ZFAND4: variants seen among roughly 807,000 people sequenced by gnomAD.
ZFAND4 encodes the protein AN1-type zinc finger protein 4.
In ZFAND4, 43 loss-of-function variants were observed where a neutral mutation model predicts 64.4. The ratio of observed to expected loss-of-function variants is 0.67; its 90% CI spans 0.52 to 0.86. ZFAND4 has a LOEUF of 0.86. ZFAND4 is among the 40% of genes least tolerant of loss of function. The pLI is 0.00. For missense variants in ZFAND4, 929 were observed against 859.8 expected (o/e 1.08, Z -1.01); for synonymous variants, 296 against 305.7 (o/e 0.97, Z 0.33).
At position 45,671,943 on chromosome 10, in the gene ZFAND4, T is replaced by TAATTTCAGTAACTCAG. The variant is rs1459223310; in HGVS notation, c.-118+291_-118+306dup. 3.3e-5 allele frequency among the ~76,000 whole-genome samples: 5 copies of TAATTTCAGTAACTCAG among 152,264 alleles called. No individual in the cohort carries two copies. In the East Asian group the frequency reaches 9.7e-4, roughly 29 times the overall value. ...TAAACAGGCAATAGCGCTGAATACG[T>TAATTTCAGTAACTCAG]AATTTCAGTAACTCAGAATTTTCTC... On this transcript the variant is annotated intron_variant, in intron 1 of 9. Coordinates refer to ENST00000344646, the MANE Select transcript of ZFAND4 (RefSeq NM_174890.4).
At chr10:45,669,291 T>C (rs2049028852) in intron 1 of ZFAND4, among the ~76,000 whole-genome samples, 1 of 152,148 alleles carries the variant, frequency 6.6e-6, no homozygotes, top group Non-Finnish European at 1.5e-5. Flanking sequence ...AAGAAATTGA[T>C]AAATTCCTGG....
chr10:45,618,296 A>G, intron 8 of ZFAND4, 36 bp from the exon 9 acceptor site: 1 of 1,603,850 alleles, frequency 6.2e-7, no homozygotes, highest in South Asian at 1.1e-5. Flanking sequence ...TAACACAGGC[A>G]TAAAATCCTA....
intron 6 of ZFAND4, among the ~76,000 whole-genome samples, chr10:45,639,333 A>G (rs908135997): frequency 1.3e-5 from 2 of 152,154 alleles, no homozygotes; most frequent in African/African-American, 2.4e-5. Context: ...TAAAACCACA[A>G]TGTGATGCCA....
intron 1 of ZFAND4, among the ~76,000 whole-genome samples, chr10:45,665,693 G>C (rs2048780673): frequency 6.6e-6 from 1 of 151,994 alleles, no homozygotes; most frequent in Admixed American, 6.5e-5. Context: ...CCTCTAAAAG[G>C]AACCCCATAC....
rs781496259 is a variant in ZFAND4, at chr10:45,621,736, C to T, written c.1927+2847G>A. Among the ~76,000 whole-genome samples the T allele has an allele frequency of 2.7e-4, 41 of 151,854 alleles. No individual in the cohort carries two copies. The Middle Eastern group carries it at 0.014, about 50-fold the overall frequency. On this transcript the variant is annotated intron_variant, in intron 8 of 9. Transcript: ENST00000344646. ...CAGCCTGGGAGACAGAGTGAGACTC[C>T]ACCTCACAAAAAACAAACAAACAAA...
rs1015612759 is a variant in ZFAND4 at position 45,640,351 on chromosome 10, T to G, written c.570-388A>C. ...AGACAACAGGCTGATGAGATTTCCA[T>G]GAATCAGAATTTTTTTAAATTTGGC... On this transcript the variant is annotated intron_variant, in intron 5 of 9. Transcript: ENST00000344646. The G allele has an allele frequency of 3.1e-6, 4 of 1,272,880 alleles. No individual in the cohort carries two copies. The African/African-American group carries it at 6.3e-5, about 20-fold the overall frequency. The allele number at this position is 1,272,880 out of a possible 1,614,324, so 78.8% of individuals were successfully genotyped here.
Position 45,663,621 on chromosome 10 carries a change from T to C in ZFAND4, c.105A>G (p.Leu35=). ...CDTMELFIET[L]TGTCFELRVS... ...CTCTCAGCTCAAAACATGTTCCAGT[T>C]AATGTTTCAATGAAGAGCTCCATGG... is the stretch of plus-strand genomic sequence containing the variant. The change falls in exon 2 of 10, where the codon TTA becomes TTG. Residue 35 remains leucine (L), a synonymous_variant. Coordinates refer to ENST00000344646, the MANE Select transcript of ZFAND4 (RefSeq NM_174890.4). 2 of 1,611,382 alleles carry C rather than the reference T, an allele frequency of 1.2e-6. No individual in the cohort carries two copies. Among genetic ancestry groups the C allele is most frequent in the Non-Finnish European group, 1.7e-6 (2 of 1,179,220 alleles).
intron 2 of ZFAND4, among the ~76,000 whole-genome samples, chr10:45,654,617 CAA>C (rs879929113): frequency 6.6e-5 from 8 of 120,962 alleles, no homozygotes; most frequent in Admixed American, 1.7e-4. Flanking sequence ...GACTCCATCT[CAA>C]AAAAAAAAAA....
At chr10:45,642,373 C>T (rs911817125) in intron 5 of ZFAND4, among the ~76,000 whole-genome samples, 2 of 151,800 alleles carry the variant, frequency 1.3e-5, no homozygotes, top group Non-Finnish European at 2.9e-5. Context: ...TTTGGGAGGC[C>T]GAGGCGGGTG....
At chr10:45,659,494 T>C (rs962488371) in intron 2 of ZFAND4, among the ~76,000 whole-genome samples, 1 of 152,184 alleles carries the variant, frequency 6.6e-6, no homozygotes, top group African/African-American at 2.4e-5. Flanking sequence ...TTCTAGCAAG[T>C]TGAAGATAAA....
chr10:45,643,116 C>A (rs1388523043), intron 5 of ZFAND4, among the ~76,000 whole-genome samples: 2 of 150,356 alleles, frequency 1.3e-5, no homozygotes, highest in African/African-American at 4.9e-5. Context: ...GATGCGGTTT[C>A]TCCATGTTGG....
intron 1 of ZFAND4, 145 bp from the exon 2 acceptor site, chr10:45,663,987 T>C (rs1268805548): frequency 2.1e-5 from 7 of 334,890 alleles, no homozygotes; most frequent in Non-Finnish European, 3.2e-5. Flanking sequence ...ATCCTGAACT[T>C]TTCACATTTG....
Position 45,663,367 on chromosome 10 carries a change from A to G in ZFAND4, c.184+175T>C, listed in dbSNP as rs572744612. ...ATCTGGTGAACACAGCAATGGGGAT[A>G]AAATAGTTCATAAGCTGATAAATGT... On this transcript the variant is annotated intron_variant, in intron 2 of 9. Coordinates refer to ENST00000344646, the MANE Select transcript of ZFAND4 (RefSeq NM_174890.4). 2.6e-5 allele frequency among the ~76,000 whole-genome samples: 4 copies of G among 152,334 alleles called. No homozygotes were observed. In the South Asian group the frequency reaches 8.3e-4, roughly 32 times the overall value.
chr10:45,645,124 G>A (rs1314468585), intron 5 of ZFAND4, among the ~76,000 whole-genome samples: 1 of 151,960 alleles, frequency 6.6e-6, no homozygotes, highest in African/African-American at 2.4e-5. Context: ...TGGGACTACA[G>A]GTGTGCACCA....
chr10:45,659,575 AT>A (rs920657428), intron 2 of ZFAND4, among the ~76,000 whole-genome samples: 30 of 152,178 alleles, frequency 2.0e-4, no homozygotes, highest in African/African-American at 6.3e-4. Flanking sequence ...TCAACTAAAA[AT>A]TACAAAGCAT....
At chr10:45,625,325 T>G (rs1273365519) in intron 7 of ZFAND4, among the ~76,000 whole-genome samples, 1 of 150,790 alleles carries the variant, frequency 6.6e-6, no homozygotes. Context: ...ACAAAAAAAA[T>G]TAGCCAGGCG....
intron 6 of ZFAND4, among the ~76,000 whole-genome samples, chr10:45,634,780 G>T (rs1013553339): frequency 3.3e-5 from 5 of 151,904 alleles, no homozygotes; most frequent in African/African-American, 1.2e-4. Context: ...ACCAAAAAAC[G>T]ATTAGAACTG....
chr10:45,661,407 A>G (rs1589427964), intron 2 of ZFAND4, among the ~76,000 whole-genome samples: 1 of 151,692 alleles, frequency 6.6e-6, no homozygotes. Flanking sequence ...TCCTTTCTCC[A>G]CTAGCCCCTC....
chr10:45,670,833 G>A (rs1163211376), intron 1 of ZFAND4, among the ~76,000 whole-genome samples: 2 of 152,080 alleles, frequency 1.3e-5, no homozygotes, highest in Non-Finnish European at 2.9e-5. Context: ...ATAGACAAAT[G>A]GGATCTAATT....
Sources: gnomAD v4.1 joint callset for allele counts (sites outside exome capture counted in the v4.1 genomes callset) on GRCh38, gnomAD v4.1.1 for gene constraint, MANE v1.5 for transcripts, NCBI Gene and HGNC (gene_info 2026-07-23, HGNC 2026-07-21) for gene names.